KCNG2: variants seen among roughly 807,000 people sequenced by gnomAD.
KCNG2 encodes the protein potassium voltage-gated channel modifier subfamily G member 2.
A neutral mutation model predicts 12.3 loss-of-function variants in KCNG2; 7 were observed. The ratio of observed to expected loss-of-function variants is 0.57; its 90% confidence interval spans 0.32 to 1.07. KCNG2 has a LOEUF of 1.07. Among genes scored for constraint, KCNG2 ranks in the 50% least tolerant of loss-of-function variants. The pLI, the probability that KCNG2 is intolerant of heterozygous loss-of-function variation, is 0.04. For missense variants in KCNG2, 703 were observed against 726.0 expected, an observed-to-expected ratio of 0.97 and a Z score of 0.36; for synonymous variants, 414 against 351.4, an observed-to-expected ratio of 1.18 and a Z score of -1.99.
Position 79,864,102 on chromosome 18 carries a change from C to T in KCNG2, c.435C>T (p.Ser145=), listed in dbSNP as rs1190045394. ...AGPTERGAQG[S]PARALGPRGR... ...CGACGGAGCGCGGGGCGCAGGGGAG[C>T]CCGGCGCGCGCCCTGGGACCTCGGG... Residue 145 remains serine (S), a synonymous_variant, in exon 3 of 4, where the codon AGC becomes AGT. Transcript: ENST00000316249. 4 of 1,107,988 alleles carry T rather than the reference C, an allele frequency of 3.6e-6. No homozygotes were observed. The highest frequency in any genetic ancestry group is 3.4e-5 in the African/African-American group (2 of 58,528). 68.6% of individuals were successfully genotyped at this position (1,107,988 alleles called of 1,614,324 possible).
At chr18:79,815,761 T>C (rs1420182593) in intron 1 of KCNG2, among the ~76,000 whole-genome samples, 1 of 152,070 alleles carries the variant, frequency 6.6e-6, no homozygotes, top group African/African-American at 2.4e-5. Context: ...TCAGCGTGAG[T>C]GTCCTGTCCC....
At chr18:79,865,299 G>GAA (rs1979436168) in intron 3 of KCNG2, among the ~76,000 whole-genome samples, 1 of 139,220 alleles carries the variant, frequency 7.2e-6, no homozygotes, top group African/African-American at 2.7e-5. Flanking sequence ...TGTGTGCTGA[G>GAA]GTCTGGGTGC....
Position 79,889,848 on chromosome 18 carries a change from T to C in KCNG2, c.625-9192T>C, listed in dbSNP as rs1042421955. 5.9e-5 allele frequency among the ~76,000 whole-genome samples: 9 copies of C among 152,360 alleles called. 1 individual carries two copies. Among genetic ancestry groups the C allele is most frequent in the Middle Eastern group, 6.8e-3 (2 of 294 alleles). ...GGGAGCACGGAGTCTTTCGTTACCA[T>C]GTGTGATGTTAGCTGTGGGGTTTCT... On this transcript the variant is annotated intron_variant, in intron 3 of 3. Transcript: ENST00000316249.
At chr18:79,826,021 G>C (rs960286954) in intron 1 of KCNG2, among the ~76,000 whole-genome samples, 2 of 152,240 alleles carry the variant, frequency 1.3e-5, no homozygotes, top group African/African-American at 4.8e-5. Flanking sequence ...CGTGGGCCTG[G>C]GTGGAGGCTG....
chr18:79,887,288 AGGGACGGAAAT>A (rs1396711519), intron 3 of KCNG2, among the ~76,000 whole-genome samples: 3 of 151,992 alleles, frequency 2.0e-5, no homozygotes, highest in Admixed American at 2.0e-4. Flanking sequence ...GACAGGACAC[AGGGACGGAAAT>A]GCTGAGACAG....
intron 3 of KCNG2, among the ~76,000 whole-genome samples, chr18:79,887,763 G>A (rs897490543): frequency 7.2e-5 from 11 of 152,226 alleles, no homozygotes; most frequent in Admixed American, 2.6e-4. Flanking sequence ...GCTCCCTCGG[G>A]CACAGATCGG....
At chr18:79,880,071 A>C (rs1027467057) in intron 3 of KCNG2, among the ~76,000 whole-genome samples, 2 of 152,208 alleles carry the variant, frequency 1.3e-5, no homozygotes, top group African/African-American at 4.8e-5. Context: ...ATCTTACCCC[A>C]AAAATGGGAT....
chr18:79,879,737 G>A lies in KCNG2; in HGVS notation c.624+15446G>A, dbSNP rs182114237. Among the ~76,000 whole-genome samples the A allele has an allele frequency of 4.9e-4, 74 of 152,274 alleles. 1 individual carries two copies. Among genetic ancestry groups the A allele is most frequent in the South Asian group, 3.7e-3 (18 of 4,828 alleles). ...GAATTGGCTCAGAATTCAAGACACC[G>A]GACTTATCCCAACCAGTGCACGAAT... is the stretch of plus-strand genomic sequence containing the variant. On this transcript the variant is annotated intron_variant, in intron 3 of 3. Transcript: ENST00000316249.
intron 1 of KCNG2, among the ~76,000 whole-genome samples, chr18:79,823,880 G>A (rs757059713): frequency 1.3e-4 from 20 of 152,108 alleles, no homozygotes; most frequent in Non-Finnish European, 2.2e-4. Context: ...AGCATGGCTC[G>A]CTTTCCATTT....
At chr18:79,856,493 C>T (rs190204332) in intron 2 of KCNG2, among the ~76,000 whole-genome samples, 41 bp downstream of exon 2, 2 of 152,278 alleles carry the variant, frequency 1.3e-5, no homozygotes, top group East Asian at 1.9e-4. Context: ...AACCTCAAGT[C>T]GTACTGGGAT....
intron 1 of KCNG2, among the ~76,000 whole-genome samples, chr18:79,825,811 G>T (rs972888168): frequency 4.0e-5 from 6 of 151,448 alleles, no homozygotes; most frequent in African/African-American, 1.5e-4. Flanking sequence ...GGAAAATACA[G>T]AAGGACAGAA....
In KCNG2 at chr18:79,877,964, C is replaced by G. The variant is rs532100616; in HGVS notation, c.624+13673C>G. 3.1e-3 allele frequency among the ~76,000 whole-genome samples: 467 copies of G among 152,304 alleles called. 4 individuals carry two copies. The highest frequency in any genetic ancestry group is 0.011 in the African/African-American group (453 of 41,592). On this transcript the variant is annotated intron_variant, in intron 3 of 3. Coordinates refer to ENST00000316249, the MANE Select transcript of KCNG2 (RefSeq NM_012283.2). ...GCTGCATGCCCATTCCGCCTGGCAC[C>G]CAGGTTCCTGTGGCCACGTCCTGAG...
chr18:79,876,886 G>A (rs1980094595), intron 3 of KCNG2, among the ~76,000 whole-genome samples: 1 of 152,230 alleles, frequency 6.6e-6, no homozygotes, highest in South Asian at 2.1e-4. Context: ...GGGACGGCCA[G>A]GCTCATTTCA....
At chr18:79,878,908 C>T (rs1487985585) in intron 3 of KCNG2, among the ~76,000 whole-genome samples, 3 of 152,214 alleles carry the variant, frequency 2.0e-5, no homozygotes, top group Admixed American at 6.5e-5. Context: ...CACCATGGGC[C>T]GCTCTGGAGG....
chr18:79,851,707 GTGTGTGAACGTGCA>G (rs1412900888), intron 1 of KCNG2, among the ~76,000 whole-genome samples: 3 of 151,952 alleles, frequency 2.0e-5, no homozygotes, highest in Non-Finnish European at 4.4e-5. Flanking sequence ...GAATGTATGT[GTGTGTGAACGTGCA>G]TGTGTGTGAA....
At chr18:79,840,727 T>C (rs1978434264) in intron 1 of KCNG2, among the ~76,000 whole-genome samples, 1 of 152,236 alleles carries the variant, frequency 6.6e-6, no homozygotes, top group Non-Finnish European at 1.5e-5. Flanking sequence ...TTTGTGGTAT[T>C]GGTGGAGGGA....
At chr18:79,889,316 C>T (rs1599434727) in intron 3 of KCNG2, among the ~76,000 whole-genome samples, 3 of 152,140 alleles carry the variant, frequency 2.0e-5, no homozygotes, top group East Asian at 1.9e-4. Flanking sequence ...TTAATTTTTG[C>T]GTATGGTTCA....
rs534317694 is a variant in KCNG2, at chr18:79,836,618, A to G, written c.-114-19761A>G. Among the ~76,000 whole-genome samples the G allele has an allele frequency of 3.2e-4, 49 of 152,318 alleles. 1 individual carries two copies. In the South Asian group the frequency reaches 9.5e-3, roughly 30 times the overall value. On this transcript the variant is annotated intron_variant, in intron 1 of 3. Coordinates refer to ENST00000316249, the MANE Select transcript of KCNG2 (RefSeq NM_012283.2). ...AGGTTGAATTGACTCACAGTTCCAC[A>G]TGGCTGGGGAGGCCTCAGGAAACTT...
intron 3 of KCNG2, among the ~76,000 whole-genome samples, chr18:79,867,827 C>T (rs528764629): frequency 1.3e-5 from 2 of 152,290 alleles, no homozygotes; most frequent in East Asian, 1.9e-4. Context: ...GGAGACCCCT[C>T]CACCCCTCGG....
Sources: allele counts gnomAD v4.1 joint callset (sites outside exome capture counted in the v4.1 genomes callset), GRCh38; gene constraint gnomAD v4.1.1; transcripts MANE v1.5; gene names NCBI Gene and HGNC (gene_info 2026-07-23, HGNC 2026-07-21).